The following RASEF variants were observed in gnomAD, a reference collection of about 807,000 sequenced individuals.
RASEF encodes ras and EF-hand domain-containing protein.
RASEF carries 68 observed loss-of-function variants against 90.1 expected under a neutral mutation model. The observed-to-expected ratio is 0.75, with a 90% CI of 0.62 to 0.92. The LOEUF is 0.92. Among genes scored for constraint, RASEF ranks in the 40% least tolerant of loss-of-function variants. The pLI is 0.00. For synonymous variants in RASEF, 331 were observed against 345.2 expected (o/e 0.96, Z 0.46); for missense variants, 949 against 937.2 (o/e 1.01, Z -0.16).
At chr9:82,986,080 A>G (rs564711685) in intron 16 of RASEF, among the ~76,000 whole-genome samples, 1 of 152,324 alleles carries the variant, frequency 6.6e-6, no homozygotes, top group East Asian at 1.9e-4. Flanking sequence ...GATGGAAGAC[A>G]TTAGACAGAC....
chr9:83,116,520 A>G, the RASEF span, among the ~76,000 whole-genome samples: 1 of 152,246 alleles, frequency 6.6e-6, no homozygotes, highest in Admixed American at 6.5e-5. Context: ...TATGAGCTAC[A>G]GGGATTCAGA....
At chr9:83,156,536 T>A in the RASEF span, among the ~76,000 whole-genome samples, 1 of 152,198 alleles carries the variant, frequency 6.6e-6, no homozygotes, top group Admixed American at 6.6e-5. Context: ...AATCTTATGA[T>A]TTTAAATATG....
At chr9:83,077,715 A>T in the RASEF span, among the ~76,000 whole-genome samples, 2 of 152,218 alleles carry the variant, frequency 1.3e-5, no homozygotes, top group Admixed American at 6.5e-5. Flanking sequence ...AACGAGGTGA[A>T]AATAATCATT....
the RASEF span, among the ~76,000 whole-genome samples, chr9:83,174,349 A>C: frequency 6.6e-6 from 1 of 152,100 alleles, no homozygotes; most frequent in African/African-American, 2.4e-5. Flanking sequence ...ATGGAGCCCA[A>C]CTTCATTATT....
intron 1 of RASEF, among the ~76,000 whole-genome samples, chr9:83,043,682 A>C (rs933957888): frequency 4.6e-5 from 7 of 152,176 alleles, no homozygotes; most frequent in Non-Finnish European, 7.3e-5. Context: ...TTTTGAAGTC[A>C]GCGAAGTTTA....
the RASEF span, among the ~76,000 whole-genome samples, chr9:83,154,467 T>A: frequency 3.3e-5 from 5 of 152,204 alleles, no homozygotes; most frequent in Non-Finnish European, 7.3e-5. Flanking sequence ...TTCTGAATAC[T>A]AGATTTCTCT....
At chr9:83,093,962 T>C in the RASEF span, among the ~76,000 whole-genome samples, 16 of 152,178 alleles carry the variant, frequency 1.1e-4, no homozygotes, top group African/African-American at 7.2e-5. Flanking sequence ...TTATAAAACA[T>C]TGGGTTGAAA....
At chr9:83,049,017 G>A (rs569833797) in intron 1 of RASEF, among the ~76,000 whole-genome samples, 9 of 151,878 alleles carry the variant, frequency 5.9e-5, no homozygotes, top group East Asian at 5.8e-4. Context: ...CCAGCTACTC[G>A]GGAGGCTGAG....
At chr9:83,003,601 A>C (rs998539902) in intron 9 of RASEF, among the ~76,000 whole-genome samples, 15 of 152,248 alleles carry the variant, frequency 9.9e-5, no homozygotes, top group African/African-American at 3.6e-4. Flanking sequence ...TTATTGAGCT[A>C]ATCAGTGAAC....
the RASEF span, among the ~76,000 whole-genome samples, chr9:83,144,391 G>GAAAAGAAAGAAAGAAAGAAAGAAA: frequency 2.4e-4 from 8 of 33,216 alleles, no homozygotes; most frequent in South Asian, 1.3e-3. Context: ...AAGAAAGAAA[G>GAAAAGAAAGAAAGAAAGAAAGAAA]GAAAGAAAGA....
chr9:83,033,746 A>T (rs1829688087), intron 1 of RASEF, among the ~76,000 whole-genome samples: 1 of 152,230 alleles, frequency 6.6e-6, no homozygotes, highest in Non-Finnish European at 1.5e-5. Context: ...TTATCATTTA[A>T]TCCAGAAATG....
the RASEF span, among the ~76,000 whole-genome samples, chr9:83,070,813 AG>A: frequency 6.6e-6 from 1 of 152,172 alleles, no homozygotes; most frequent in African/African-American, 2.4e-5. Context: ...AATGTTGAGT[AG>A]GTTATGATTT....
the RASEF span, among the ~76,000 whole-genome samples, chr9:83,135,980 C>T: frequency 2.0e-5 from 3 of 151,874 alleles, no homozygotes; most frequent in Non-Finnish European, 4.4e-5. Context: ...AGAACAACTG[C>T]TTTACTAGGC....
rs577761600 is a variant in RASEF at position 83,061,785 on chromosome 9, C to T, written c.431+652G>A. ...CATAAAAAGTGAGTTTTTCAGTTCA[C>T]AAAATTTGGGTCAAATCTCTGCTGT... On this transcript the variant is annotated intron_variant, in intron 1 of 16. Coordinates refer to ENST00000376447, the MANE Select transcript of RASEF (RefSeq NM_152573.4). 3.0e-3 allele frequency among the ~76,000 whole-genome samples: 454 copies of T among 152,292 alleles called. 5 individuals are homozygous for T. The highest frequency in any genetic ancestry group is 0.01 in the African/African-American group (436 of 41,554).
At chr9:83,048,274 GC>G (rs1829968692) in intron 1 of RASEF, 1 of 985,240 alleles carries the variant, frequency 1.0e-6, no homozygotes, top group Admixed American at 6.2e-5. Context: ...ATTCAACCTT[GC>G]AAAAGAAGGC....
At chr9:83,102,698 C>A in the RASEF span, among the ~76,000 whole-genome samples, 1 of 152,122 alleles carries the variant, frequency 6.6e-6, no homozygotes, top group South Asian at 2.1e-4. Flanking sequence ...ATGGGAGAGG[C>A]AGGGTAAGCA....
At chr9:83,193,717 G>C in the RASEF span, among the ~76,000 whole-genome samples, 1 of 152,234 alleles carries the variant, frequency 6.6e-6, no homozygotes. Flanking sequence ...ATATATCTTT[G>C]AAAGTAAGGA....
the RASEF span, among the ~76,000 whole-genome samples, chr9:83,185,695 C>T: frequency 1.3e-5 from 2 of 152,202 alleles, no homozygotes; most frequent in East Asian, 3.9e-4. Context: ...TGATGCAGGC[C>T]AGATGCAATG....
chr9:83,025,764 G>A lies in RASEF; in HGVS notation c.578+11C>T, dbSNP rs1829534213. 6.2e-7 allele frequency: 1 copy of A among 1,611,660 alleles called. No homozygotes were observed. The highest frequency in any genetic ancestry group is 8.5e-7 in the Non-Finnish European group (1 of 1,179,172). On this transcript the variant is annotated intron_variant, in intron 2 of 16. Coordinates refer to ENST00000376447, the MANE Select transcript of RASEF (RefSeq NM_152573.4). ...ACCCACAGGCCACTTATAAAGGAAG[G>A]ACTTCAATACCTCTTCACCGCAATG... is the stretch of plus-strand genomic sequence containing the variant.
Sources: gnomAD v4.1 joint callset for allele counts (sites outside exome capture counted in the v4.1 genomes callset) on GRCh38, gnomAD v4.1.1 for gene constraint, MANE v1.5 for transcripts, NCBI Gene and HGNC (gene_info 2026-07-23, HGNC 2026-07-21) for gene names.